STAM: variants seen among roughly 807,000 people sequenced by gnomAD.
The protein encoded by STAM is signal transducing adapter molecule 1.
Under a neutral mutation model 63.4 loss-of-function variants are expected in STAM, and 16 were observed. That is an observed-to-expected ratio of 0.25 (90% confidence interval 0.17 to 0.38). STAM has a LOEUF of 0.38. Among genes scored for constraint, STAM ranks in the 10% least tolerant of loss-of-function variants. The pLI is 1.00. For synonymous variants in STAM, 238 were observed against 223.9 expected, an observed-to-expected ratio of 1.06 and a Z score of -0.56; for missense variants, 636 against 657.1, an observed-to-expected ratio of 0.97 and a Z score of 0.35.
At position 17,687,634 on chromosome 10, in the gene STAM, C is replaced by T. The variant is rs575278528; in HGVS notation, c.298-393C>T. Among the ~76,000 whole-genome samples, 3 of 152,320 alleles carry T rather than the reference C, an allele frequency of 2.0e-5. No homozygotes were observed. In the South Asian group the frequency reaches 6.2e-4, roughly 32 times the overall value. On this transcript the variant is annotated intron_variant, in intron 4 of 13. Coordinates refer to ENST00000377524, the MANE Select transcript of STAM (RefSeq NM_003473.4). ...AAGCATCATGGAAAAAATGCATAGT[C>T]ATGAACATTAAGAAGTCAGGAATTT...
intron 9 of STAM, among the ~76,000 whole-genome samples, chr10:17,703,838 G>T (rs782294008): frequency 8.5e-5 from 13 of 152,154 alleles, no homozygotes; most frequent in African/African-American, 1.9e-4. Flanking sequence ...GAGCAGCTGT[G>T]ATACAGCTGA....
chr10:17,680,192 C>T (rs1554825131), intron 2 of STAM, among the ~76,000 whole-genome samples: 1 of 151,948 alleles, frequency 6.6e-6, no homozygotes, highest in Non-Finnish European at 1.5e-5. Flanking sequence ...ATCTTTTTCC[C>T]CAATTCTTTA....
intron 4 of STAM, among the ~76,000 whole-genome samples, chr10:17,687,305 C>T (rs1400954780): frequency 2.0e-5 from 3 of 151,980 alleles, no homozygotes; most frequent in African/African-American, 4.8e-5. Flanking sequence ...TAAAACCCCG[C>T]GTCTGCTAAA....
chr10:17,683,118 T>C (rs959865218), intron 2 of STAM, among the ~76,000 whole-genome samples: 15 of 152,336 alleles, frequency 9.8e-5, no homozygotes, highest in African/African-American at 2.9e-4. Flanking sequence ...TTTCTCTTTC[T>C]GTCTTTTGTG....
chr10:17,661,695 T>C (rs11254711), intron 2 of STAM, among the ~76,000 whole-genome samples: 17,551 of 152,240 alleles, frequency 0.12, 1,109 homozygotes, highest in Middle Eastern at 0.16. Context: ...TGAGTCACCT[T>C]CACATTTATT....
chr10:17,684,923 A>G lies in STAM; in HGVS notation c.293A>G (p.Asn98Ser), dbSNP rs1835233193. 1.9e-6 allele frequency: 3 copies of G among 1,611,428 alleles called. No homozygotes were observed. The highest frequency in any genetic ancestry group is 1.3e-5 in the African/African-American group (1 of 74,886). ...DFASEVSNVL[N>S]KGHPKVCEKL... Reference sequence around the variant, plus strand: ...GCTAGTGAAGTAAGCAACGTATTAAATAAGGTAAGGAGCATTATTTCCAGA... The same window carrying G: ...GCTAGTGAAGTAAGCAACGTATTAAGTAAGGTAAGGAGCATTATTTCCAGA... The change falls in exon 4 of 14, where the codon AAT (asparagine) becomes AGT (serine). Residue 98 changes from asparagine to serine, a missense_variant. Around this residue, in one of 3 missense-constraint regions of STAM, gnomAD observed 532 missense variants for 536.9 expected, o/e 0.99. Coordinates refer to ENST00000377524, the MANE Select transcript of STAM (RefSeq NM_003473.4).
chr10:17,678,551 A>G (rs1008719903), intron 2 of STAM, among the ~76,000 whole-genome samples: 4 of 152,104 alleles, frequency 2.6e-5, no homozygotes, highest in Non-Finnish European at 5.9e-5. Flanking sequence ...ACCACGCCCA[A>G]CCTCATGTAG....
intron 8 of STAM, among the ~76,000 whole-genome samples, chr10:17,699,867 C>G (rs577335992): frequency 6.6e-6 from 1 of 152,056 alleles, no homozygotes; most frequent in East Asian, 1.9e-4. Context: ...CATTGTAAAA[C>G]TTTGCTTTTG....
intron 1 of STAM, among the ~76,000 whole-genome samples, chr10:17,649,474 A>G (rs1228595036): frequency 1.3e-5 from 2 of 151,458 alleles, no homozygotes; most frequent in African/African-American, 2.4e-5. Flanking sequence ...TTTTCTTTAT[A>G]GTACTTAGTG....
chr10:17,656,292 T>TA (rs1554822139), intron 1 of STAM, among the ~76,000 whole-genome samples: 1 of 134,428 alleles, frequency 7.4e-6, no homozygotes, highest in African/African-American at 2.9e-5. Flanking sequence ...AGACTCCGTC[T>TA]TAAAAAAAAA....
chr10:17,678,749 A>G (rs1554824942), intron 2 of STAM, among the ~76,000 whole-genome samples: 1 of 152,086 alleles, frequency 6.6e-6, no homozygotes. Flanking sequence ...TCATCATCCC[A>G]CGTAGAAACT....
chr10:17,709,644 A>G (rs896262770), intron 13 of STAM, among the ~76,000 whole-genome samples: 5 of 152,098 alleles, frequency 3.3e-5, no homozygotes, highest in Non-Finnish European at 7.4e-5. Context: ...AGAGTTTACC[A>G]ACGTGTATTC....
intron 5 of STAM, among the ~76,000 whole-genome samples, 153 bp from the exon 6 acceptor site, chr10:17,693,069 C>T (rs1835609208): frequency 6.6e-6 from 1 of 152,142 alleles, no homozygotes; most frequent in Non-Finnish European, 1.5e-5. Context: ...TCATTTCCCT[C>T]TCCCTTTTAA....
rs2131714211 is a variant in STAM at position 17,715,152 on chromosome 10, TG to T, written c.*374del. On this transcript the variant is annotated 3_prime_UTR_variant, in exon 14 of 14. Transcript: ENST00000377524. ...CATTAGTGGCCATTTTGAATCACAG[TG>T]GTGATCGTGTGAATATATTTAACAC... 7 of 238,566 alleles carry T rather than the reference TG, an allele frequency of 2.9e-5. No individual in the cohort carries two copies. The South Asian group carries it at 4.6e-4, about 16-fold the overall frequency. The allele number at this position is 238,566 out of a possible 1,614,324, so 14.8% of individuals were successfully genotyped here.
chr10:17,699,863 A>G (rs1373237619), intron 8 of STAM, among the ~76,000 whole-genome samples: 1 of 152,206 alleles, frequency 6.6e-6, no homozygotes, highest in Non-Finnish European at 1.5e-5. Flanking sequence ...AGGCCATTGT[A>G]AAACTTTGCT....
In STAM at chr10:17,690,203, C is replaced by T. The variant is rs149832396; in HGVS notation, c.444+2030C>T. On this transcript the variant is annotated intron_variant, in intron 5 of 13. Coordinates refer to ENST00000377524, the MANE Select transcript of STAM (RefSeq NM_003473.4). The stretch of plus-strand genomic sequence containing the variant: ...CTGATTCTCAGTCCAGTGTTCTTTT[C>T]GCTGCCCGAGTCTGCCTTCTTTGTT... Among the ~76,000 whole-genome samples the T allele has an allele frequency of 1.2e-3, 176 of 152,302 alleles. 3 individuals carry two copies. The highest frequency in any genetic ancestry group is 4.0e-3 in the African/African-American group (167 of 41,578).
chr10:17,678,619 G>C (rs1397154547), intron 2 of STAM, among the ~76,000 whole-genome samples: 1 of 151,884 alleles, frequency 6.6e-6, no homozygotes, highest in East Asian at 1.9e-4. Context: ...ATTTTATTTT[G>C]GTAAAATATA....
chr10:17,670,197 G>GATTTTTCT (rs1308732112), intron 2 of STAM, among the ~76,000 whole-genome samples: 1 of 152,100 alleles, frequency 6.6e-6, no homozygotes, highest in Non-Finnish European at 1.5e-5. Flanking sequence ...GATGCGAGCT[G>GATTTTTCT]ATTTTTCTAT....
chr10:17,681,839 T>C (rs1835099296), intron 2 of STAM, among the ~76,000 whole-genome samples: 1 of 152,260 alleles, frequency 6.6e-6, no homozygotes, highest in Non-Finnish European at 1.5e-5. Flanking sequence ...GTGAATGTTT[T>C]GAACACTGAA....
Sources: allele counts gnomAD v4.1 joint callset (sites outside exome capture counted in the v4.1 genomes callset), GRCh38; gene constraint gnomAD v4.1.1; regional missense constraint gnomAD v4.1.1; transcripts MANE v1.5; gene names NCBI Gene and HGNC (gene_info 2026-07-23, HGNC 2026-07-21).